The following SPMAP2 variants were observed in gnomAD, a reference collection of about 807,000 sequenced individuals.
SPMAP2 encodes Theg homolog.
the SPMAP2 span, chr19:367,303 G>C: frequency 7.3e-7 from 1 of 1,373,934 alleles, no homozygotes; most frequent in Non-Finnish European, 9.8e-7. Flanking sequence ...AGGACCCCAG[G>C]AGCAACACTG....
At chr19:366,041 C>T in the SPMAP2 span, among the ~76,000 whole-genome samples, 23 of 151,786 alleles carry the variant, frequency 1.5e-4, no homozygotes, top group African/African-American at 5.6e-4. Flanking sequence ...CTCGGGAAGC[C>T]GAGGCAGGAG....
chr19:367,275 C>T, the SPMAP2 span: 336 of 1,504,606 alleles, frequency 2.2e-4, no homozygotes, highest in Non-Finnish European at 2.8e-4. Context: ...CATGATGCCT[C>T]GTGGGCCCTG....
the SPMAP2 span, chr19:367,131 C>G: frequency 6.2e-7 from 1 of 1,613,420 alleles, no homozygotes; most frequent in Non-Finnish European, 8.5e-7. Flanking sequence ...GGGTCCCACT[C>G]TTCCAAGAGG....
chr19:371,360 G>C, the SPMAP2 span: 2 of 979,488 alleles, frequency 2.0e-6, no homozygotes, highest in Non-Finnish European at 1.5e-6. Context: ...CAGCTCGGCC[G>C]GGGGTGGGGG....
At chr19:371,440 GTGTC>G in the SPMAP2 span, 5 of 494,352 alleles carry the variant, frequency 1.0e-5, no homozygotes, top group East Asian at 9.4e-5. Flanking sequence ...TCCTCCATAT[GTGTC>G]TGTCTGTCTT....
the SPMAP2 span, chr19:374,142 C>T: frequency 6.9e-7 from 1 of 1,457,220 alleles, no homozygotes; most frequent in Non-Finnish European, 9.5e-7. Flanking sequence ...TGTCTGGCCA[C>T]CTCCTTAACT....
At chr19:372,714 G>T in the SPMAP2 span, 1 of 1,613,926 alleles carries the variant, frequency 6.2e-7, no homozygotes, top group South Asian at 1.1e-5. Context: ...TGCAAAATGG[G>T]AAACGGAGTC....
the SPMAP2 span, among the ~76,000 whole-genome samples, chr19:365,397 G>A: frequency 6.6e-6 from 1 of 152,202 alleles, no homozygotes; most frequent in South Asian, 2.1e-4. Context: ...GAATTTAGTA[G>A]GCATCTGGGC....
chr19:363,216 A>G, the SPMAP2 span, among the ~76,000 whole-genome samples: 1 of 152,190 alleles, frequency 6.6e-6, no homozygotes, highest in Admixed American at 6.5e-5. Flanking sequence ...AGTTTGATAC[A>G]GAGCCTTGCT....
the SPMAP2 span, chr19:371,425 C>T: frequency 1.7e-5 from 9 of 523,176 alleles, no homozygotes; most frequent in East Asian, 2.8e-4. Context: ...TCTGTCTTTC[C>T]CAGCTCCTCC....
At chr19:372,987 A>G in the SPMAP2 span, among the ~76,000 whole-genome samples, 1 of 152,204 alleles carries the variant, frequency 6.6e-6, no homozygotes, top group Non-Finnish European at 1.5e-5. Context: ...ACGGGGCTCA[A>G]TACAGATCCA....
the SPMAP2 span, chr19:371,271 C>T: frequency 4.6e-5 from 70 of 1,518,058 alleles, no homozygotes; most frequent in Non-Finnish European, 5.8e-5. Context: ...TCAGGCGACT[C>T]GACGCTCTGT....
chr19:371,265 G>A, the SPMAP2 span: 1 of 1,521,274 alleles, frequency 6.6e-7, no homozygotes, highest in Non-Finnish European at 8.8e-7. Context: ...GTTCCTTCAG[G>A]CGACTCGACG....
At chr19:368,866 G>A in the SPMAP2 span, among the ~76,000 whole-genome samples, 780 of 152,318 alleles carry the variant, frequency 5.1e-3, 3 homozygotes, top group Non-Finnish European at 9.3e-3. This position sits in a 1 kb window ranked among gnomAD's most constrained non-coding sequence, Gnocchi z 4.1. Flanking sequence ...CTCAGGCCGG[G>A]CTGCTGAGGT....
chr19:362,369 A>G, the SPMAP2 span: 1 of 1,608,014 alleles, frequency 6.2e-7, no homozygotes, highest in African/African-American at 1.3e-5. Context: ...GGTGACATCC[A>G]GCACCTCCCA....
chr19:374,566 G>C, the SPMAP2 span: 6 of 1,194,976 alleles, frequency 5.0e-6, no homozygotes, highest in Non-Finnish European at 6.9e-6. Context: ...AGGGGTCTCT[G>C]AGGGAGGACT....
At chr19:370,989 C>A in the SPMAP2 span, among the ~76,000 whole-genome samples, 1 of 152,196 alleles carries the variant, frequency 6.6e-6, no homozygotes, top group Admixed American at 6.5e-5. Flanking sequence ...GAGCTGGAAG[C>A]TTTGGGATCC....
chr19:369,824 A>C, the SPMAP2 span, among the ~76,000 whole-genome samples: 384 of 152,320 alleles, frequency 2.5e-3, 2 homozygotes, highest in African/African-American at 8.2e-3. Flanking sequence ...GGACATTACA[A>C]AGTACCTTGA....
chr19:373,404 C>T, the SPMAP2 span: 2,922 of 1,493,132 alleles, frequency 2.0e-3, 4 homozygotes, highest in Middle Eastern at 4.1e-3. Context: ...CTAGATGGGG[C>T]GGGGCAGGTT....
Sources: gnomAD v4.1 joint callset for allele counts (sites outside exome capture counted in the v4.1 genomes callset) on GRCh38, gnomAD v4.1.1 for gene constraint, Gnocchi (gnomAD v3.1) non-coding constraint, MANE v1.5 for transcripts, NCBI Gene and HGNC (gene_info 2026-07-23, HGNC 2026-07-21) for gene names.